The following SPICE1 variants were observed in gnomAD, a reference collection of about 807,000 sequenced individuals.
The protein encoded by SPICE1 is spindle and centriole associated protein 1, also known as spindle and centriole-associated protein 1.
SPICE1 carries 75 observed loss-of-function variants against 102.7 expected under a neutral mutation model. That is an observed-to-expected ratio of 0.73 (90% confidence interval 0.61 to 0.88). The LOEUF is 0.88. Ranked by LOEUF, SPICE1 falls within the 40% of genes least tolerant of loss-of-function variation. SPICE1 has a pLI of 0.00. For missense variants in SPICE1, 979 were observed against 1,020.1 expected (o/e 0.96, Z 0.55); for synonymous variants, 308 against 350.3 (o/e 0.88, Z 1.35).
Position 113,463,796 on chromosome 3 carries a change from C to T in SPICE1, c.1287+1857G>A, listed in dbSNP as rs534661379. Among the ~76,000 whole-genome samples the T allele has an allele frequency of 3.0e-4, 46 of 152,308 alleles. No individual in the cohort carries two copies. In the South Asian group the frequency reaches 8.7e-3, roughly 29 times the overall value. ...CTAAAGGGTACAGGATGGCCTGGCG[C>T]GGTGGCTCATGCCTGTAATCCCAAC... On this transcript the variant is annotated intron_variant, in intron 11 of 17. Transcript: ENST00000295872.
intron 7 of SPICE1, among the ~76,000 whole-genome samples, chr3:113,472,949 G>A (rs1012268021): frequency 6.6e-6 from 1 of 152,174 alleles, no homozygotes; most frequent in South Asian, 2.1e-4. Context: ...TGACTTTGAC[G>A]AGTTGAGAGA....
chr3:113,459,878 T>C (rs1289320592), intron 12 of SPICE1: 7 of 976,120 alleles, frequency 7.2e-6, no homozygotes, highest in South Asian at 9.5e-5. Context: ...CGAAACTCCA[T>C]CTCAAAAAGA....
intron 14 of SPICE1, 129 bp from the exon 15 acceptor site, chr3:113,450,645 C>A (rs914907794): frequency 4.6e-6 from 4 of 873,694 alleles, no homozygotes; most frequent in East Asian, 5.5e-5. Flanking sequence ...GGCGCTATCT[C>A]GGCTCACTGC....
intron 7 of SPICE1, among the ~76,000 whole-genome samples, chr3:113,481,831 G>A (rs944348490): frequency 6.6e-6 from 1 of 152,156 alleles, no homozygotes; most frequent in Admixed American, 6.5e-5. Flanking sequence ...GGGCACATGG[G>A]TTGGTTCCAA....
At chr3:113,493,077 A>G in intron 6 of SPICE1, 129 bp downstream of exon 6, 1 of 646,730 alleles carries the variant, frequency 1.5e-6, no homozygotes, top group East Asian at 2.9e-5. Context: ...CAATACACTT[A>G]AGAGCAAATC....
intron 6 of SPICE1, among the ~76,000 whole-genome samples, chr3:113,492,587 T>A (rs1395473779): frequency 6.6e-6 from 1 of 152,156 alleles, no homozygotes; most frequent in Non-Finnish European, 1.5e-5. Flanking sequence ...TTTTTAAATA[T>A]CCTAATACAT....
In SPICE1 at chr3:113,460,666, A is replaced by C. The variant is rs1454693992; in HGVS notation, c.1386T>G (p.Ile462Met). 1 of 1,613,916 alleles carries C rather than the reference A, an allele frequency of 6.2e-7. No homozygotes were observed. Among genetic ancestry groups the C allele is most frequent in the Non-Finnish European group, 8.5e-7 (1 of 1,179,926 alleles). The change falls in exon 12 of 18, where the codon ATT (isoleucine) becomes ATG (methionine). Residue 462 changes from isoleucine (I) to methionine (M), a missense_variant. By Grantham distance (10) the Ile-to-Met change is conservative. Coordinates refer to ENST00000295872, the MANE Select transcript of SPICE1 (RefSeq NM_144718.4). ...CTGTGGCTCCGCTTTCTGATGCCTG[A>C]ATTTCTTGTCTGTTATTTATCACAG... The part of the protein sequence containing the change: ...NCPVINNRQE[I>M]QASESGATGR...
chr3:113,503,256 A>G lies in SPICE1; in HGVS notation c.100-29T>C, dbSNP rs536929126. 5.2e-6 allele frequency: 8 copies of G among 1,544,546 alleles called. No homozygotes were observed. In the East Asian group the frequency reaches 1.9e-4, roughly 36 times the overall value. Reference sequence around the variant, plus strand: ...TAAAAAAAGGTGGCCTTTCTTTAAAAAAAAAAAAAAGTTTTCTTATAAAAT... The same window carrying G: ...TAAAAAAAGGTGGCCTTTCTTTAAAGAAAAAAAAAAGTTTTCTTATAAAAT... On this transcript the variant is annotated intron_variant, in intron 2 of 17. Transcript: ENST00000295872.
chr3:113,474,777 A>T lies in SPICE1; in HGVS notation c.612-5539T>A, dbSNP rs1465403727. Among the ~76,000 whole-genome samples the T allele has an allele frequency of 2.6e-5, 4 of 152,210 alleles. No individual in the cohort carries two copies. The East Asian group carries it at 7.7e-4, about 29-fold the overall frequency. ...CACAACATACCAGAATCTCTGGGACACACTCAAAGCAGTGTGTAGAGGGAA... is the reference window on the plus strand; with the variant it reads ...CACAACATACCAGAATCTCTGGGACTCACTCAAAGCAGTGTGTAGAGGGAA... On this transcript the variant is annotated intron_variant, in intron 7 of 17. Transcript: ENST00000295872.
intron 17 of SPICE1, among the ~76,000 whole-genome samples, chr3:113,446,140 C>G (rs1417910714): frequency 6.6e-6 from 1 of 152,158 alleles, no homozygotes; most frequent in Non-Finnish European, 1.5e-5. Context: ...GGTACCATAA[C>G]CTATCTAACC....
At chr3:113,508,785 T>C (rs1295000520) in intron 1 of SPICE1, among the ~76,000 whole-genome samples, 3 of 152,106 alleles carry the variant, frequency 2.0e-5, no homozygotes, top group Non-Finnish European at 4.4e-5. Flanking sequence ...AAAACATACG[T>C]CCACGTAAAA....
chr3:113,492,818 GA>G (rs1936794745), intron 6 of SPICE1, among the ~76,000 whole-genome samples: 1 of 152,120 alleles, frequency 6.6e-6, no homozygotes, highest in African/African-American at 2.4e-5. Context: ...ACTCCAAGTG[GA>G]AAGACTCCCT....
At chr3:113,493,715 C>T (rs4396864) in intron 5 of SPICE1, among the ~76,000 whole-genome samples, 38,205 of 152,118 alleles carry the variant, frequency 0.25, 5,133 homozygotes, top group African/African-American at 0.35. Flanking sequence ...CAAAGTTCCT[C>T]TTAGAGAGAG....
chr3:113,512,601 G>A (rs1199780573), intron 1 of SPICE1, among the ~76,000 whole-genome samples: 1 of 151,922 alleles, frequency 6.6e-6, no homozygotes, highest in African/African-American at 2.4e-5. Flanking sequence ...TAGAAACGGG[G>A]TTTCACCATG....
At chr3:113,461,288 T>C (rs946269794) in intron 11 of SPICE1, among the ~76,000 whole-genome samples, 8 of 151,766 alleles carry the variant, frequency 5.3e-5, no homozygotes, top group Non-Finnish European at 1.2e-4. Context: ...TTTATATATG[T>C]ATATAGATAT....
In SPICE1 at chr3:113,460,629, T is replaced by C. The variant is rs1446004792; in HGVS notation, c.1423A>G (p.Met475Val). 4 of 1,612,316 alleles carry C rather than the reference T, an allele frequency of 2.5e-6. No individual in the cohort carries two copies. The highest frequency in any genetic ancestry group is 2.5e-6 in the Non-Finnish European group (3 of 1,179,012). ...AGACCACACTCACCTGGACTGTCCA[T>C]AACTCTTCTACCTGTGGCTCCGCTT... ...SESGATGRRV[M>V]DSPERPVVNA... The change falls in exon 12 of 18, where the codon ATG becomes GTG. Residue 475 changes from methionine (M) to valine (V), a missense_variant. Coordinates refer to ENST00000295872, the MANE Select transcript of SPICE1 (RefSeq NM_144718.4).
At chr3:113,476,759 C>CCTTA (rs1936360392) in intron 7 of SPICE1, among the ~76,000 whole-genome samples, 1 of 150,228 alleles carries the variant, frequency 6.7e-6, no homozygotes, top group South Asian at 2.1e-4. Flanking sequence ...TGGATCCCTT[C>CCTTA]CTTACACCTT....
At chr3:113,472,047 G>A (rs1232536852) in intron 7 of SPICE1, among the ~76,000 whole-genome samples, 2 of 152,244 alleles carry the variant, frequency 1.3e-5, no homozygotes, top group Non-Finnish European at 1.5e-5. Context: ...CAAAGAAAGG[G>A]GTGACAGACG....
At chr3:113,454,812 T>C (rs958368327) in intron 13 of SPICE1, among the ~76,000 whole-genome samples, 4 of 152,058 alleles carry the variant, frequency 2.6e-5, no homozygotes, top group African/African-American at 9.7e-5. Flanking sequence ...AGTGGAGCCT[T>C]AAAAAGCCAG....
Sources: gnomAD v4.1 joint callset for allele counts (sites outside exome capture counted in the v4.1 genomes callset) on GRCh38, gnomAD v4.1.1 for gene constraint, MANE v1.5 for transcripts, NCBI Gene and HGNC (gene_info 2026-07-23, HGNC 2026-07-21) for gene names.